PDE5A: variants seen among roughly 807,000 people sequenced by gnomAD.
PDE5A encodes the protein cGMP-specific 3',5'-cyclic phosphodiesterase.
In PDE5A, 67 loss-of-function variants were observed where a neutral mutation model predicts 110.2. That is an observed-to-expected ratio of 0.61 (90% CI 0.50 to 0.75). The LOEUF is 0.75. Among genes scored for constraint, PDE5A ranks in the 30% least tolerant of loss-of-function variants. PDE5A has a pLI of 0.00. For missense variants in PDE5A, 862 were observed against 1,045.1 expected (o/e 0.82, Z 2.42); for synonymous variants, 328 against 351.2 (o/e 0.93, Z 0.74).
Position 119,498,461 on chromosome 4 carries a change from A to G in PDE5A, c.*140T>C. On this transcript the variant is annotated 3_prime_UTR_variant, in exon 21 of 21. Transcript: ENST00000354960. ...CTAAAAACATTCATGCTATACTCTC[A>G]AAAGTTGTGCAAAAATAAAAATACA... The G allele has an allele frequency of 1.2e-6, 1 of 868,446 alleles. No individual in the cohort carries two copies. The highest frequency in any genetic ancestry group is 1.8e-5 in the South Asian group (1 of 55,510). The allele number at this position is 868,446 out of a possible 1,614,324, so 53.8% of individuals were successfully genotyped here.
At chr4:119,604,255 A>C (rs3756157) in intron 2 of PDE5A, among the ~76,000 whole-genome samples, 122,981 of 152,132 alleles carry the variant, frequency 0.81, 49,873 homozygotes, top group East Asian at 0.9. Flanking sequence ...ATCAAATGCA[A>C]AACAGAAAAT....
chr4:119,597,695 CT>C (rs1729199819), intron 2 of PDE5A, among the ~76,000 whole-genome samples: 1 of 151,974 alleles, frequency 6.6e-6, no homozygotes, highest in African/African-American at 2.4e-5. Flanking sequence ...AAAAGCTCAT[CT>C]TTTGATGAGC....
At chr4:119,623,634 CAG>C (rs1437148163) in intron 1 of PDE5A, among the ~76,000 whole-genome samples, 1 of 152,074 alleles carries the variant, frequency 6.6e-6, no homozygotes, top group African/African-American at 2.4e-5. Context: ...TACTTCAGAC[CAG>C]AGTCAAATCA....
chr4:119,544,839 A>C (rs1285469202), intron 9 of PDE5A, among the ~76,000 whole-genome samples: 1 of 152,182 alleles, frequency 6.6e-6, no homozygotes, highest in African/African-American at 2.4e-5. Flanking sequence ...ATATATTAAG[A>C]GTCATTAAAT....
intron 14 of PDE5A, among the ~76,000 whole-genome samples, chr4:119,515,723 T>G (rs1440768351): frequency 1.1e-4 from 17 of 152,120 alleles, no homozygotes; most frequent in Admixed American, 1.1e-3. Context: ...ATTATTAAAT[T>G]AAAAAATTTT....
chr4:119,598,029 T>G (rs1484828890), intron 2 of PDE5A, among the ~76,000 whole-genome samples: 1 of 152,102 alleles, frequency 6.6e-6, no homozygotes, highest in Non-Finnish European at 1.5e-5. Flanking sequence ...AGATATTGTC[T>G]AAAGAAAGCA....
At chr4:119,501,662 C>T (rs1164330497) in intron 19 of PDE5A, among the ~76,000 whole-genome samples, 5 of 152,138 alleles carry the variant, frequency 3.3e-5, no homozygotes, top group South Asian at 2.1e-4. Context: ...GAAGGTCAGA[C>T]AGCAACTAAT....
rs201252767 is a variant in PDE5A, at chr4:119,497,498, A to G, written c.*1103T>C. 3.3e-5 allele frequency: 5 copies of G among 152,154 alleles called. No homozygotes were observed. Among genetic ancestry groups the G allele is most frequent in the Admixed American group, 1.3e-4 (2 of 15,260 alleles). 9.4% of individuals were successfully genotyped at this position (152,154 alleles called of 1,614,324 possible). A position where few individuals can be genotyped will look rare whatever the true frequency, so the allele number is the denominator to read the frequency against. On this transcript the variant is annotated 3_prime_UTR_variant, in exon 21 of 21. Transcript: ENST00000354960. ...CTCTGGATCTCAGTTGACTTGTCCT[A>G]TACATCAAAATATGGCAATTTTTCA...
intron 6 of PDE5A, among the ~76,000 whole-genome samples, chr4:119,561,449 G>T (rs1727743340): frequency 6.6e-6 from 1 of 152,144 alleles, no homozygotes. Flanking sequence ...ATACTTCCAA[G>T]TAGCACTGAT....
At chr4:119,582,959 AT>A (rs953710137) in intron 3 of PDE5A, among the ~76,000 whole-genome samples, 30 of 152,250 alleles carry the variant, frequency 2.0e-4, no homozygotes, top group African/African-American at 7.0e-4. Context: ...GGGCCCTAGG[AT>A]TTTTAGAATG....
At chr4:119,624,523 C>T (rs1730270277) in intron 1 of PDE5A, among the ~76,000 whole-genome samples, 1 of 152,144 alleles carries the variant, frequency 6.6e-6, no homozygotes, top group Non-Finnish European at 1.5e-5. Flanking sequence ...GAGTGTAAAA[C>T]GTCTGTTTCT....
chr4:119,541,680 G>T (rs572226678), intron 10 of PDE5A: 2 of 152,212 alleles, frequency 1.3e-5, no homozygotes, highest in African/African-American at 2.4e-5. Context: ...ATTTCAACTA[G>T]ATAAGAAATC....
chr4:119,553,727 T>C lies in PDE5A; in HGVS notation c.1219A>G (p.Ile407Val). 6.3e-7 allele frequency: 1 copy of C among 1,581,336 alleles called. No individual in the cohort carries two copies. The highest frequency in any genetic ancestry group is 8.7e-7 in the Non-Finnish European group (1 of 1,150,438). Reference protein sequence around the residue: ...TLTREHDANKINYMYAQYVKN... With the variant: ...TLTREHDANKVNYMYAQYVKN... ...ACATACTGAGCATACATGTAATTGA[T>C]TTTGTTTGCATCATGTTCCCTGTGA... The change falls in exon 8 of 21, where the codon ATC becomes GTC. Residue 407 changes from isoleucine (I) to valine (V), a missense_variant. Coordinates refer to ENST00000354960, the MANE Select transcript of PDE5A (RefSeq NM_001083.4).
intron 2 of PDE5A, among the ~76,000 whole-genome samples, chr4:119,598,854 G>C (rs1294972815): frequency 6.6e-6 from 1 of 152,172 alleles, no homozygotes; most frequent in Non-Finnish European, 1.5e-5. Flanking sequence ...TTGGAAGGAA[G>C]ATGGTTAGGA....
At chr4:119,604,547 T>C (rs1729461405) in intron 2 of PDE5A, among the ~76,000 whole-genome samples, 1 of 152,134 alleles carries the variant, frequency 6.6e-6, no homozygotes, top group African/African-American at 2.4e-5. Flanking sequence ...TGTGAAGTTA[T>C]TACAGAGCTC....
At chr4:119,555,433 G>A (rs557043879) in intron 7 of PDE5A, among the ~76,000 whole-genome samples, 9 of 151,610 alleles carry the variant, frequency 5.9e-5, no homozygotes, top group Non-Finnish European at 1.3e-4. Context: ...ATAAATGCAG[G>A]GTTTAGTTTA....
At position 119,606,195 on chromosome 4, in the gene PDE5A, T is replaced by C. The variant is rs1222492090; in HGVS notation, c.741+514A>G. ...TTTTTTGAAGACATCTGTAAGTTTA[T>C]CTGTTTAAAAAATGAAAGAGAGGAT... On this transcript the variant is annotated intron_variant, in intron 2 of 20. Transcript: ENST00000354960. Among the ~76,000 whole-genome samples, 3 of 152,198 alleles carry C rather than the reference T, an allele frequency of 2.0e-5. No individual in the cohort carries two copies. In the East Asian group the frequency reaches 5.8e-4, roughly 29 times the overall value.
chr4:119,591,836 A>G (rs1428902294), intron 3 of PDE5A, among the ~76,000 whole-genome samples: 1 of 152,076 alleles, frequency 6.6e-6, no homozygotes. Context: ...GAGAATGGGG[A>G]GGGTCAGCAA....
chr4:119,624,328 T>G (rs1306416356), intron 1 of PDE5A, among the ~76,000 whole-genome samples: 1 of 152,176 alleles, frequency 6.6e-6, no homozygotes, highest in African/African-American at 2.4e-5. Context: ...ATAGCAATAT[T>G]TATATACATA....
Sources: allele counts gnomAD v4.1 joint callset (sites outside exome capture counted in the v4.1 genomes callset), GRCh38; gene constraint gnomAD v4.1.1; transcripts MANE v1.5; gene names NCBI Gene and HGNC (gene_info 2026-07-23, HGNC 2026-07-21).